Variants in FBXO34 observed in about 807,000 individuals in gnomAD.
FBXO34 encodes F-box protein 34.
A neutral mutation model predicts 24.5 loss-of-function variants in FBXO34; 12 were observed. The observed-to-expected ratio is 0.49, with a 90% CI of 0.31 to 0.79. The LOEUF (loss-of-function observed/expected upper bound fraction) is 0.79, where lower values mean the gene tolerates loss of function less well. FBXO34 is among the 30% of genes least tolerant of loss of function. The probability of loss-of-function intolerance (pLI) is 0.04; values close to 1 mark genes in which losing one functional copy is unlikely to be tolerated. For missense variants in FBXO34, 823 were observed against 857.7 expected, an observed-to-expected ratio of 0.96 and a Z score of 0.51; for synonymous variants, 320 against 311.9, an observed-to-expected ratio of 1.03 and a Z score of -0.27.
rs761652829 is a variant in FBXO34, at chr14:55,351,753, T to G, written c.1363T>G (p.Cys455Gly). The G allele has an allele frequency of 6.8e-6, 11 of 1,614,098 alleles. No homozygotes were observed. Among genetic ancestry groups the G allele is most frequent in the Middle Eastern group, 3.3e-4 (2 of 6,084 alleles). ...RNPDQRKESLCISITVSKVDK... is the reference protein window; with the variant it reads ...RNPDQRKESLGISITVSKVDK... Reference sequence around the variant, plus strand: ...TCCTGATCAAAGAAAAGAATCTTTGTGCATTAGTATCACTGTGTCCAAGGT... The same window carrying G: ...TCCTGATCAAAGAAAAGAATCTTTGGGCATTAGTATCACTGTGTCCAAGGT... Residue 455 changes from cysteine (C) to glycine (G), a missense_variant, in exon 2 of 2, where the codon TGC becomes GGC. Cys to Gly is a radical substitution (Grantham distance 159). Transcript: ENST00000313833.
chr14:55,340,042 A>G (rs1399595259), intron 1 of FBXO34, among the ~76,000 whole-genome samples: 2 of 152,188 alleles, frequency 1.3e-5, no homozygotes, highest in South Asian at 2.1e-4. Context: ...TCTTTTGTCT[A>G]CATTGATGCT....
chr14:55,402,943 AT>A, the FBXO34 span, among the ~76,000 whole-genome samples: 6 of 61,016 alleles, frequency 9.8e-5, no homozygotes, highest in Admixed American at 8.4e-4. Context: ...ATATATATAT[AT>A]ATATATATAT....
chr14:55,400,212 A>G, the FBXO34 span, among the ~76,000 whole-genome samples: 1 of 152,230 alleles, frequency 6.6e-6, no homozygotes, highest in Non-Finnish European at 1.5e-5. Context: ...GAAGGAGATA[A>G]AAAATTCATT....
At chr14:55,380,535 C>A in the FBXO34 span, 2 of 1,306,128 alleles carry the variant, frequency 1.5e-6, no homozygotes, top group Non-Finnish European at 2.2e-6. Context: ...CTTGAAAGAG[C>A]CATGATAAAG....
rs1884372422 is a variant in FBXO34 at position 55,351,487 on chromosome 14, G to C, written c.1097G>C (p.Trp366Ser). Residue 366 changes from tryptophan to serine, a missense_variant, in exon 2 of 2, where the codon TGG becomes TCG. Transcript: ENST00000313833. ...DRCSPKEDQAWDGASQDCPPL... is the reference protein window; with the variant it reads ...DRCSPKEDQASDGASQDCPPL... ...TGTTCTCCTAAGGAGGACCAGGCCTGGGACGGTGCTTCTCAGGACTGCCCC... is the reference window on the plus strand; with the variant it reads ...TGTTCTCCTAAGGAGGACCAGGCCTCGGACGGTGCTTCTCAGGACTGCCCC... The C allele has an allele frequency of 6.2e-7, 1 of 1,614,050 alleles. No individual in the cohort carries two copies. The highest frequency in any genetic ancestry group is 1.1e-5 in the South Asian group (1 of 91,078).
the FBXO34 span, among the ~76,000 whole-genome samples, chr14:55,415,174 ACTT>A: frequency 6.6e-6 from 1 of 152,328 alleles, no homozygotes; most frequent in Non-Finnish European, 1.5e-5. Context: ...TACTTGTACT[ACTT>A]ATATTTATAT....
At chr14:55,304,026 G>C (rs7148171) in intron 1 of FBXO34, among the ~76,000 whole-genome samples, 84,844 of 152,092 alleles carry the variant, frequency 0.56, 26,707 homozygotes, top group African/African-American at 0.87. Context: ...CCATCTGATA[G>C]AGGGAAAGAA....
chr14:55,378,168 C>T, the FBXO34 span: 2 of 997,676 alleles, frequency 2.0e-6, no homozygotes, highest in Non-Finnish European at 3.0e-6. Flanking sequence ...ATAACACATA[C>T]TCTGTGCCCT....
In FBXO34 at chr14:55,352,173, T is replaced by G; in HGVS notation, c.1783T>G (p.Leu595Val). The change falls in exon 2 of 2, where the codon TTA becomes GTA. Residue 595 changes from leucine (L) to valine (V), a missense_variant. Physicochemically the swap from Leu to Val is conservative, Grantham distance 32. Transcript: ENST00000313833. ...KIFRLLPTKS[L>V]VALKCTCCYF... Reference sequence around the variant, plus strand: ...CTTCAGGTTACTTCCCACCAAGAGTTTAGTGGCCCTTAAATGTACCTGCTG... The same window carrying G: ...CTTCAGGTTACTTCCCACCAAGAGTGTAGTGGCCCTTAAATGTACCTGCTG... 6.2e-7 allele frequency: 1 copy of G among 1,614,084 alleles called. No homozygotes were observed. Among genetic ancestry groups the G allele is most frequent in the Non-Finnish European group, 8.5e-7 (1 of 1,179,996 alleles).
At chr14:55,311,976 C>A (rs1173894619) in intron 1 of FBXO34, among the ~76,000 whole-genome samples, 1 of 152,086 alleles carries the variant, frequency 6.6e-6, no homozygotes, top group Non-Finnish European at 1.5e-5. Flanking sequence ...CTGAGGCAGG[C>A]AGATCACGAG....
At chr14:55,305,698 A>G (rs1002279912) in intron 1 of FBXO34, among the ~76,000 whole-genome samples, 14 of 152,106 alleles carry the variant, frequency 9.2e-5, no homozygotes, top group African/African-American at 3.1e-4. Flanking sequence ...AAGCCTCTAC[A>G]ACAGGAGTCG....
chr14:55,428,598 T>C, the FBXO34 span, among the ~76,000 whole-genome samples: 2 of 152,054 alleles, frequency 1.3e-5, no homozygotes, highest in Admixed American at 1.3e-4. Context: ...TGCTAAGCAA[T>C]GTAAGTTTAA....
At chr14:55,281,343 A>G (rs1016639504) in intron 1 of FBXO34, among the ~76,000 whole-genome samples, 1 of 150,824 alleles carries the variant, frequency 6.6e-6, no homozygotes, top group Non-Finnish European at 1.5e-5. Context: ...TGGCTGCTGT[A>G]TTGGATAGGA....
At chr14:55,440,645 A>C in the FBXO34 span, 2 of 1,335,918 alleles carry the variant, frequency 1.5e-6, no homozygotes, top group Non-Finnish European at 2.0e-6. Context: ...CGGGATGCGG[A>C]ACCCAGCTAC....
At chr14:55,308,275 C>T (rs1027699282) in intron 1 of FBXO34, among the ~76,000 whole-genome samples, 1 of 152,130 alleles carries the variant, frequency 6.6e-6, no homozygotes, top group Admixed American at 6.5e-5. Flanking sequence ...TTTGAAGAGA[C>T]TTATTACTAA....
At chr14:55,406,903 A>C in the FBXO34 span, among the ~76,000 whole-genome samples, 1 of 151,644 alleles carries the variant, frequency 6.6e-6, no homozygotes, top group African/African-American at 2.4e-5. Flanking sequence ...GAAATCTACC[A>C]CAACATATCT....
chr14:55,301,222 T>A (rs1217570161), intron 1 of FBXO34, among the ~76,000 whole-genome samples: 1 of 152,068 alleles, frequency 6.6e-6, no homozygotes, highest in Non-Finnish European at 1.5e-5. Flanking sequence ...GGATTGGTTG[T>A]CTCCAGGAGT....
At chr14:55,305,411 C>T in intron 1 of FBXO34, among the ~76,000 whole-genome samples, 1 of 140,320 alleles carries the variant, frequency 7.1e-6, no homozygotes, top group African/African-American at 2.7e-5. Flanking sequence ...GGGACTGCAT[C>T]TCAAAAAAAA....
At chr14:55,326,906 G>A (rs1401644625) in intron 1 of FBXO34, among the ~76,000 whole-genome samples, 4 of 152,106 alleles carry the variant, frequency 2.6e-5, no homozygotes, top group Admixed American at 2.0e-4. Flanking sequence ...CTGTATTTGA[G>A]TGTGTATAAC....
Sources: allele counts gnomAD v4.1 joint callset (sites outside exome capture counted in the v4.1 genomes callset), GRCh38; gene constraint gnomAD v4.1.1; transcripts MANE v1.5; gene names NCBI Gene and HGNC (gene_info 2026-07-23, HGNC 2026-07-21).